CPN1: variants seen among roughly 807,000 people sequenced by gnomAD.
CPN1 encodes the protein carboxypeptidase N subunit 1.
A neutral mutation model predicts 46.4 loss-of-function variants in CPN1; 37 were observed. The ratio of observed to expected loss-of-function variants is 0.80; its 90% CI spans 0.61 to 1.05. The LOEUF is 1.05. CPN1 is among the 50% of genes least tolerant of loss of function. CPN1 has a pLI of 0.00. For synonymous variants in CPN1, 224 were observed against 235.4 expected (o/e 0.95, Z 0.44); for missense variants, 563 against 602.6 (o/e 0.93, Z 0.69).
At chr10:100,052,316 C>G (rs1459676594) in intron 7 of CPN1, among the ~76,000 whole-genome samples, 1 of 152,084 alleles carries the variant, frequency 6.6e-6, no homozygotes, top group East Asian at 1.9e-4. Flanking sequence ...GGCAATCCCC[C>G]CACCTCGGCC....
chr10:100,059,121 G>C (rs2041402125), intron 5 of CPN1, among the ~76,000 whole-genome samples: 1 of 151,974 alleles, frequency 6.6e-6, no homozygotes, highest in South Asian at 2.1e-4. Flanking sequence ...CATGACATTG[G>C]ATTTGGCAAT....
chr10:100,079,762 A>G (rs1589480808), intron 1 of CPN1, among the ~76,000 whole-genome samples: 1 of 152,174 alleles, frequency 6.6e-6, no homozygotes, highest in South Asian at 2.1e-4. Flanking sequence ...CTGTGTACCA[A>G]ATGGAAGATT....
In CPN1 at chr10:100,065,279, T is replaced by C. The variant is rs777954396; in HGVS notation, c.668A>G (p.Asn223Ser). 1.9e-6 allele frequency: 3 copies of C among 1,614,048 alleles called. No individual in the cohort carries two copies. Among genetic ancestry groups the C allele is most frequent in the Admixed American group, 3.3e-5 (2 of 60,000 alleles). Residue 223 changes from asparagine to serine, a missense_variant, in exon 4 of 9, where the codon AAT becomes AGT. Transcript: ENST00000370418. ...ANLHGGAVVANYPYDKSFEHR... is the reference protein window; with the variant it reads ...ANLHGGAVVASYPYDKSFEHR... ...CTCAAAGGACTTGTCATACGGGTAA[T>C]TGGCCACCACCGCCCCTCCGTGGAG...
chr10:100,058,311 G>A (rs2041396865), intron 5 of CPN1, among the ~76,000 whole-genome samples: 1 of 152,016 alleles, frequency 6.6e-6, no homozygotes, highest in African/African-American at 2.4e-5. Flanking sequence ...AAACTACAAT[G>A]TTCTTCAGAC....
At chr10:100,053,628 AAAG>A (rs1164851424) in intron 7 of CPN1, among the ~76,000 whole-genome samples, 1 of 152,140 alleles carries the variant, frequency 6.6e-6, no homozygotes, top group Non-Finnish European at 1.5e-5. Context: ...TCAAAAAAAA[AAAG>A]AAAAAGAAAA....
At chr10:100,065,738 G>A (rs2041451158) in intron 3 of CPN1, among the ~76,000 whole-genome samples, 1 of 150,724 alleles carries the variant, frequency 6.6e-6, no homozygotes, top group Non-Finnish European at 1.5e-5. Flanking sequence ...AGTAAGGTAA[G>A]TATGGACTGG....
chr10:100,063,700 T>C lies in CPN1; in HGVS notation c.785A>G (p.His262Arg), dbSNP rs755985740. ...QKLAKVYSYA[H>R]GWMFQGWNCG... ...GTTCCAACCTTGGAACATCCATCCA[T>C]GTGCATAGGAGTAGACCTTGGCCAG... Residue 262 changes from histidine to arginine, a missense_variant, in exon 5 of 9, where the codon CAT becomes CGT. His to Arg is a conservative substitution (Grantham distance 29, BLOSUM62 0). Transcript: ENST00000370418. 2 of 1,613,984 alleles carry C rather than the reference T, an allele frequency of 1.2e-6. No individual in the cohort carries two copies. Among genetic ancestry groups the C allele is most frequent in the East Asian group, 2.2e-5 (1 of 44,868 alleles).
In CPN1 at chr10:100,076,088, A is replaced by C. The variant is rs1160751169; in HGVS notation, c.243T>G (p.Tyr81Ter). ...CTTCGTTGCCGTGCATGTTCCCCACATACTTGACCTCTGGTTCCACTGCAA... is the reference window on the plus strand; with the variant it reads ...CTTCGTTGCCGTGCATGTTCCCCACCTACTTGACCTCTGGTTCCACTGCAA... ...IHEPLEPEVKYVGNMHGNEAL... is the reference protein window; with the variant it reads ...IHEPLEPEVK Residue 81 changes from tyrosine (Y) to a stop codon, truncating the protein, a stop_gained, in exon 2 of 9, where the codon TAT becomes TAG. Coordinates refer to ENST00000370418, the MANE Select transcript of CPN1 (RefSeq NM_001308.3). LOFTEE classifies it high-confidence loss of function. 2 of 1,614,086 alleles carry C rather than the reference A, an allele frequency of 1.2e-6. No homozygotes were observed. Among genetic ancestry groups the C allele is most frequent in the South Asian group, 1.1e-5 (1 of 91,084 alleles).
At chr10:100,069,690 T>C in intron 3 of CPN1, 24 bp downstream of exon 3, 1 of 1,613,892 alleles carries the variant, frequency 6.2e-7, no homozygotes, top group Non-Finnish European at 8.5e-7. Flanking sequence ...TTTACCTGCT[T>C]TGTTTGCAAA....
intron 8 of CPN1, among the ~76,000 whole-genome samples, chr10:100,044,228 G>C (rs931158705): frequency 6.6e-6 from 1 of 152,004 alleles, no homozygotes; most frequent in African/African-American, 2.4e-5. Context: ...TTCCTATTTA[G>C]TAACATAGGA....
chr10:100,048,077 T>C (rs181411503), intron 8 of CPN1, among the ~76,000 whole-genome samples: 1 of 152,090 alleles, frequency 6.6e-6, no homozygotes, highest in East Asian at 1.9e-4. Flanking sequence ...CTTTTGAGAG[T>C]TGATTTGGCC....
At chr10:100,076,346 T>G (rs2041515299) in intron 1 of CPN1, among the ~76,000 whole-genome samples, 1 of 152,186 alleles carries the variant, frequency 6.6e-6, no homozygotes, top group Non-Finnish European at 1.5e-5. Flanking sequence ...ACTAGACAGT[T>G]ATGTTCAATA....
intron 8 of CPN1, among the ~76,000 whole-genome samples, chr10:100,044,698 T>G (rs1268588332): frequency 6.7e-6 from 1 of 149,728 alleles, no homozygotes; most frequent in Admixed American, 6.7e-5. Context: ...AGCTGGAAAC[T>G]CTGTAGTAAA....
rs2041430753 is a variant in CPN1 at position 100,063,221 on chromosome 10, TG to T, written c.871+392del. On this transcript the variant is annotated intron_variant, in intron 5 of 8. Transcript: ENST00000370418. ...CTGCAAACTCTGCCTCCCGGGTTCATGCCATTCTCCTGACTCAGCCTCCCGA... is the reference window on the plus strand; with the variant it reads ...CTGCAAACTCTGCCTCCCGGGTTCATCCATTCTCCTGACTCAGCCTCCCGA... Among the ~76,000 whole-genome samples, 3 of 152,056 alleles carry T rather than the reference TG, an allele frequency of 2.0e-5. No individual in the cohort carries two copies. In the South Asian group the frequency reaches 6.2e-4, roughly 31 times the overall value.
intron 4 of CPN1, 89 bp downstream of exon 4, chr10:100,065,099 C>A: frequency 7.0e-7 from 1 of 1,434,670 alleles, no homozygotes; most frequent in South Asian, 1.3e-5. Flanking sequence ...TCTGTGGCCT[C>A]GCACTGAAAA....
chr10:100,050,936 T>C (rs1427976558), intron 7 of CPN1, among the ~76,000 whole-genome samples: 5 of 152,126 alleles, frequency 3.3e-5, no homozygotes, highest in Non-Finnish European at 7.4e-5. Context: ...CCAGTGAGAA[T>C]CTTATTTTTA....
intron 7 of CPN1, among the ~76,000 whole-genome samples, chr10:100,051,336 C>T (rs891529701): frequency 1.3e-5 from 2 of 151,622 alleles, no homozygotes; most frequent in Non-Finnish European, 2.9e-5. Context: ...GAAATGACAC[C>T]CCAGGGGTTG....
At chr10:100,056,338 T>C (rs944490984) in intron 6 of CPN1, among the ~76,000 whole-genome samples, 2 of 152,196 alleles carry the variant, frequency 1.3e-5, no homozygotes, top group African/African-American at 4.8e-5. Flanking sequence ...GATATCTGCA[T>C]GTTTCTGTCC....
At chr10:100,051,398 T>A (rs2041352064) in intron 7 of CPN1, among the ~76,000 whole-genome samples, 1 of 152,118 alleles carries the variant, frequency 6.6e-6, no homozygotes, top group Non-Finnish European at 1.5e-5. Context: ...GAGTGTTGTA[T>A]CAGAAAGGCC....
Sources: allele counts gnomAD v4.1 joint callset (sites outside exome capture counted in the v4.1 genomes callset), GRCh38; gene constraint gnomAD v4.1.1; transcripts MANE v1.5; gene names NCBI Gene and HGNC (gene_info 2026-07-23, HGNC 2026-07-21).